Variants in RFX6 observed in about 807,000 individuals in gnomAD.
RFX6 encodes DNA-binding protein RFX6.
In RFX6, 50 loss-of-function variants were observed where a neutral mutation model predicts 110.8. The observed-to-expected ratio is 0.45, with a 90% CI of 0.36 to 0.57. The LOEUF (loss-of-function observed/expected upper bound fraction) is 0.57. RFX6 is among the 20% of genes least tolerant of loss of function. The probability of loss-of-function intolerance (pLI) is 0.00; values close to 1 mark genes in which losing one functional copy is unlikely to be tolerated. For synonymous variants in RFX6, 383 were observed against 411.2 expected, an observed-to-expected ratio of 0.93 and a Z score of 0.83; for missense variants, 990 against 1,127.0, an observed-to-expected ratio of 0.88 and a Z score of 1.74.
At chr6:116,923,053 A>C in intron 13 of RFX6, 54 bp from the exon 14 acceptor site, 1 of 861,876 alleles carries the variant, frequency 1.2e-6, no homozygotes, top group South Asian at 1.3e-5. Context: ...CACAGGATGC[A>C]TGTAGTACTG....
Position 116,931,610 on chromosome 6 carries a change from C to A in RFX6, c.*104C>A. Reference sequence around the variant, plus strand: ...ATAAGAGTAAATAAAAATGAATATGCAGTGGCTGACATTGTTTTAAAGTCA... The same window carrying A: ...ATAAGAGTAAATAAAAATGAATATGAAGTGGCTGACATTGTTTTAAAGTCA... On this transcript the variant is annotated 3_prime_UTR_variant, in exon 19 of 19. Transcript: ENST00000332958. The A allele has an allele frequency of 1.2e-6, 1 of 834,128 alleles. No individual in the cohort carries two copies. The highest frequency in any genetic ancestry group is 1.9e-6 in the Non-Finnish European group (1 of 521,490). The allele number at this position is 834,128 out of a possible 1,614,324, so 51.7% of individuals were successfully genotyped here. A position where few individuals can be genotyped will look rare whatever the true frequency, so the allele number is the denominator to read the frequency against.
chr6:116,885,321 T>C (rs900502317), intron 4 of RFX6, among the ~76,000 whole-genome samples: 1 of 152,166 alleles, frequency 6.6e-6, no homozygotes, highest in African/African-American at 2.4e-5. Flanking sequence ...GGAATGAATA[T>C]AGTAGTGAAT....
At chr6:116,928,731 A>G in intron 17 of RFX6, 28 bp from the exon 18 acceptor site, 1 of 1,548,070 alleles carries the variant, frequency 6.5e-7, no homozygotes, top group Non-Finnish European at 8.9e-7. Flanking sequence ...GTAAGTTAAC[A>G]GCAAATTCTC....
chr6:116,916,600 A>C (rs1466700420), intron 9 of RFX6, among the ~76,000 whole-genome samples: 1 of 152,040 alleles, frequency 6.6e-6, no homozygotes, highest in Non-Finnish European at 1.5e-5. Context: ...AATTTTATTA[A>C]CTCTCTAAGG....
At chr6:116,913,072 C>CT (rs1388937633) in intron 7 of RFX6, among the ~76,000 whole-genome samples, 1 of 151,990 alleles carries the variant, frequency 6.6e-6, no homozygotes, top group Non-Finnish European at 1.5e-5. Context: ...GCTTCTTTTT[C>CT]TTTTTTCTTT....
intron 9 of RFX6, among the ~76,000 whole-genome samples, chr6:116,916,784 T>C (rs1775475361): frequency 6.6e-6 from 1 of 152,100 alleles, no homozygotes. Flanking sequence ...CCTAAGTGTC[T>C]GCAGAAGGAT....
intron 5 of RFX6, among the ~76,000 whole-genome samples, chr6:116,894,479 A>G (rs1774898381): frequency 6.6e-6 from 1 of 152,148 alleles, no homozygotes; most frequent in African/African-American, 2.4e-5. Context: ...AGTTTATTGT[A>G]ATAATCTCTA....
intron 6 of RFX6, among the ~76,000 whole-genome samples, chr6:116,902,201 C>A (rs1181391985): frequency 6.6e-6 from 1 of 151,708 alleles, no homozygotes; most frequent in Non-Finnish European, 1.5e-5. Flanking sequence ...CTAAACCAAG[C>A]CCAGAACACT....
intron 4 of RFX6, among the ~76,000 whole-genome samples, chr6:116,884,622 A>T (rs1213057474): frequency 6.6e-6 from 1 of 152,160 alleles, no homozygotes; most frequent in Non-Finnish European, 1.5e-5. Flanking sequence ...GGGGGAAAAG[A>T]GGCCGAGCAA....
At chr6:116,894,467 A>G (rs916522417) in intron 5 of RFX6, among the ~76,000 whole-genome samples, 3 of 152,180 alleles carry the variant, frequency 2.0e-5, no homozygotes, top group African/African-American at 7.2e-5. Context: ...ACCAAGATAG[A>G]AAGTTTATTG....
At chr6:116,921,933 C>T in intron 12 of RFX6, 109 bp from the exon 13 acceptor site, 1 of 668,596 alleles carries the variant, frequency 1.5e-6, no homozygotes, top group South Asian at 1.7e-5. Flanking sequence ...CTTTCCCTTT[C>T]ATGCTATCAA....
chr6:116,930,093 G>C (rs182426403), intron 18 of RFX6, among the ~76,000 whole-genome samples: 2 of 152,332 alleles, frequency 1.3e-5, no homozygotes, highest in East Asian at 3.9e-4. Flanking sequence ...TTTACCTGAA[G>C]AGATAGTGGA....
chr6:116,902,608 C>G (rs1056533134), intron 6 of RFX6, among the ~76,000 whole-genome samples: 2 of 151,932 alleles, frequency 1.3e-5, no homozygotes, highest in African/African-American at 2.4e-5. Context: ...TCCTGTGGGT[C>G]TTCTAATGTG....
At chr6:116,898,071 G>A (rs1409318803) in intron 6 of RFX6, among the ~76,000 whole-genome samples, 1 of 152,110 alleles carries the variant, frequency 6.6e-6, no homozygotes, top group Non-Finnish European at 1.5e-5. Flanking sequence ...AGAGAAGGAG[G>A]AGAATACAGT....
intron 9 of RFX6, among the ~76,000 whole-genome samples, chr6:116,916,752 C>CT (rs1472583970): frequency 6.6e-6 from 1 of 152,034 alleles, no homozygotes; most frequent in East Asian, 1.9e-4. Context: ...GTCTAATTCT[C>CT]TTCTCAAACC....
rs1381492057 is a variant in RFX6, at chr6:116,931,425, TG to T, written c.2708del (p.Gly903GlufsTer38). The T allele has an allele frequency of 6.2e-7, 1 of 1,612,816 alleles. No homozygotes were observed. The highest frequency in any genetic ancestry group is 8.5e-7 in the Non-Finnish European group (1 of 1,178,962). On this transcript the variant is annotated frameshift_variant, in exon 19 of 19. Transcript: ENST00000332958. LOFTEE classifies it high-confidence loss of function. Reference protein sequence around the residue: ...YPAQETLDSHGTSSREMVSSL... With the variant: ...YPAQETLDSHXTSSREMVSSL... ...CAGCTCAAGAAACCCTGGACTCCCA[TG>T]GAACAAGCAGTAGAGAAATGGTGTC...
At chr6:116,930,234 A>G (rs1775853743) in intron 18 of RFX6, among the ~76,000 whole-genome samples, 1 of 152,182 alleles carries the variant, frequency 6.6e-6, no homozygotes, top group African/African-American at 2.4e-5. Context: ...TAAGTAGTGC[A>G]AGGAGAATTG....
chr6:116,882,250 A>G (rs1455560311), intron 3 of RFX6, 117 bp from the exon 4 acceptor site: 3 of 747,614 alleles, frequency 4.0e-6, no homozygotes, highest in Non-Finnish European at 7.3e-6. Flanking sequence ...CAGACTAAGT[A>G]TTCACTCACA....
chr6:116,900,791 G>C (rs1230663004), intron 6 of RFX6, among the ~76,000 whole-genome samples: 4 of 151,918 alleles, frequency 2.6e-5, no homozygotes, highest in Admixed American at 6.6e-5. Context: ...CTTTTGTGTG[G>C]CTGAATATTA....
Sources: allele counts gnomAD v4.1 joint callset (sites outside exome capture counted in the v4.1 genomes callset), GRCh38; gene constraint gnomAD v4.1.1; transcripts MANE v1.5; gene names NCBI Gene and HGNC (gene_info 2026-07-23, HGNC 2026-07-21).